The following IL22 variants were observed in gnomAD, a reference collection of about 807,000 sequenced individuals.
IL22 encodes interleukin-22.
A neutral mutation model predicts 15.5 loss-of-function variants in IL22; 15 were observed. That is an observed-to-expected ratio of 0.97 (90% confidence interval 0.65 to 1.49). The LOEUF (loss-of-function observed/expected upper bound fraction) is 1.49. IL22 is among the 40% of genes most tolerant of loss of function. The pLI is 0.00. For missense variants in IL22, 225 were observed against 215.4 expected, an observed-to-expected ratio of 1.04 and a Z score of -0.28; for synonymous variants, 91 against 82.0, an observed-to-expected ratio of 1.11 and a Z score of -0.60.
chr12:68,248,580 T>G lies in IL22; in HGVS notation c.*219A>C, dbSNP rs1869815723. 4.4e-6 allele frequency: 2 copies of G among 452,656 alleles called. No individual in the cohort carries two copies. The highest frequency in any genetic ancestry group is 4.0e-5 in the African/African-American group (2 of 49,998). 28.0% of individuals were successfully genotyped at this position (452,656 alleles called of 1,614,324 possible). On this transcript the variant is annotated 3_prime_UTR_variant, in exon 6 of 6. Transcript: ENST00000538666. ...ACCAGTTACAATGAAATGTTATCAA[T>G]AAATATCTATGCTTAGAAAGTCTAC...
intron 5 of IL22, among the ~76,000 whole-genome samples, chr12:68,250,191 A>G (rs1324547597): frequency 1.3e-5 from 2 of 152,210 alleles, no homozygotes; most frequent in Non-Finnish European, 2.9e-5. Context: ...TTCTTTCAAA[A>G]TGGATTAAAG....
In IL22 at chr12:68,248,844, T is replaced by C. The variant is rs1223517399; in HGVS notation, c.495A>G (p.Gly165=). The C allele has an allele frequency of 1.2e-6, 2 of 1,613,140 alleles. No homozygotes were observed. Among genetic ancestry groups the C allele is most frequent in the Admixed American group, 3.3e-5 (2 of 59,946 alleles). ...LGESGEIKAI[G]ELDLLFMSLR... ...GAGACATAAACAGCAAATCCAGTTC[T>C]CCAATTGCTTTGATCTCTCCACTCT... The change falls in exon 6 of 6, where the codon GGA becomes GGG. Residue 165 remains glycine (G), a synonymous_variant. Coordinates refer to ENST00000538666, the MANE Select transcript of IL22 (RefSeq NM_020525.5).
chr12:68,250,555 G>C (rs1869892335), intron 5 of IL22, among the ~76,000 whole-genome samples: 1 of 152,210 alleles, frequency 6.6e-6, no homozygotes, highest in Non-Finnish European at 1.5e-5. Flanking sequence ...ATGTTTCTGA[G>C]TATTTAGTTG....
intron 5 of IL22, among the ~76,000 whole-genome samples, chr12:68,251,260 A>G (rs1869919585): frequency 6.6e-6 from 1 of 152,174 alleles, no homozygotes; most frequent in Non-Finnish European, 1.5e-5. Context: ...GCCACTGACC[A>G]TCCCCAGAAT....
intron 5 of IL22, among the ~76,000 whole-genome samples, chr12:68,249,289 C>A (rs574394764): frequency 6.6e-6 from 1 of 152,240 alleles, no homozygotes; most frequent in East Asian, 1.9e-4. Flanking sequence ...CAACCTGCAG[C>A]CCACAGGCCG....
At chr12:68,253,218 A>G (rs759927719) in intron 2 of IL22, 45 bp downstream of exon 2, 5 of 1,531,944 alleles carry the variant, frequency 3.3e-6, no homozygotes, top group Non-Finnish European at 4.5e-6. Flanking sequence ...AACTATTTGG[A>G]TTCCAAGTAG....
rs2120559909 is a variant in IL22 at position 68,253,312 on chromosome 12, T to C, written c.137A>G (p.Asn46Ser). 6.2e-7 allele frequency: 1 copy of C among 1,613,732 alleles called. No individual in the cohort carries two copies. Among genetic ancestry groups the C allele is most frequent in the African/African-American group, 1.3e-5 (1 of 74,966 alleles). Residue 46 changes from asparagine (N) to serine (S), a missense_variant, in exon 2 of 6, where the codon AAC becomes AGC. Transcript: ENST00000538666. ...GTTGGTGATATAGGGCTGCTGGAAG[T>C]TGGACTTGTCAAGCCTGCAGTGGGA... Reference protein sequence around the residue: ...ISSHCRLDKSNFQQPYITNRT... With the variant: ...ISSHCRLDKSSFQQPYITNRT...
intron 4 of IL22, among the ~76,000 whole-genome samples, 177 bp from the exon 5 acceptor site, chr12:68,251,755 G>A (rs1238008624): frequency 5.3e-5 from 8 of 152,104 alleles, no homozygotes; most frequent in African/African-American, 1.4e-4. Flanking sequence ...TCCCTTGGAC[G>A]CCAGAATCCA....
At position 68,253,262 on chromosome 12, in the gene IL22, C is replaced by A; in HGVS notation, c.186+1G>T. 1 of 1,610,926 alleles carries A rather than the reference C, an allele frequency of 6.2e-7. No homozygotes were observed. Reference sequence around the variant, plus strand: ...AGAAAGAGCAGGATTGAGATGTATACCTCCTTAGCCAGCATGAAGGTGCGG... The same window carrying A: ...AGAAAGAGCAGGATTGAGATGTATAACTCCTTAGCCAGCATGAAGGTGCGG... On this transcript the variant is annotated splice_donor_variant, in intron 2 of 5. Transcript: ENST00000538666. LOFTEE classifies it high-confidence loss of function.
intron 5 of IL22, among the ~76,000 whole-genome samples, chr12:68,251,217 G>A (rs1869917995): frequency 6.6e-6 from 1 of 152,100 alleles, no homozygotes; most frequent in Non-Finnish European, 1.5e-5. Context: ...GCTGGCTTGG[G>A]ATTCAGGAGA....
chr12:68,252,052 T>C (rs940305883), intron 4 of IL22, among the ~76,000 whole-genome samples: 3 of 152,252 alleles, frequency 2.0e-5, no homozygotes, highest in South Asian at 2.1e-4. Context: ...TCCGATTTTG[T>C]GGCTTCCCAT....
chr12:68,248,761 A>T lies in IL22; in HGVS notation c.*38T>A. ...CATCTAATTGTTATTTCTAGCAGGG[A>T]AAGGGGGTTAGTTATTCATTTTTCA... is the stretch of plus-strand genomic sequence containing the variant. On this transcript the variant is annotated 3_prime_UTR_variant, in exon 6 of 6. Coordinates refer to ENST00000538666, the MANE Select transcript of IL22 (RefSeq NM_020525.5). The T allele has an allele frequency of 6.6e-7, 1 of 1,522,966 alleles. No homozygotes were observed. Among genetic ancestry groups the T allele is most frequent in the Non-Finnish European group, 9.1e-7 (1 of 1,103,368 alleles). The allele number at this position is 1,522,966 out of a possible 1,614,324, so 94.3% of individuals were successfully genotyped here.
intron 5 of IL22, among the ~76,000 whole-genome samples, chr12:68,249,978 A>G (rs1869872151): frequency 6.6e-6 from 1 of 152,154 alleles, no homozygotes; most frequent in South Asian, 2.1e-4. Context: ...GCATTTTACT[A>G]CCAACCTGCG....
chr12:68,250,317 T>C (rs1271253500), intron 5 of IL22, among the ~76,000 whole-genome samples: 2 of 152,224 alleles, frequency 1.3e-5, no homozygotes, highest in Admixed American at 6.5e-5. Context: ...AAAGCATGCC[T>C]TGTCTGTGGC....
rs1565748403 is a variant in IL22 at position 68,252,750 on chromosome 12, C to A, written c.252+14G>T. The A allele has an allele frequency of 6.2e-7, 1 of 1,613,602 alleles. No individual in the cohort carries two copies. Among genetic ancestry groups the A allele is most frequent in the Non-Finnish European group, 8.5e-7 (1 of 1,179,622 alleles). Reference sequence around the variant, plus strand: ...GGACGGCACACGGCCCTGTTCGTCACAACTGTAGCTTACACTGACTCCGTG... The same window carrying A: ...GGACGGCACACGGCCCTGTTCGTCAAAACTGTAGCTTACACTGACTCCGTG... On this transcript the variant is annotated intron_variant, in intron 3 of 5. Transcript: ENST00000538666.
At chr12:68,251,384 C>A (rs1334018683) in intron 5 of IL22, 129 bp downstream of exon 5, 1 of 712,816 alleles carries the variant, frequency 1.4e-6, no homozygotes, top group Non-Finnish European at 2.5e-6. Context: ...ACACAGACAC[C>A]AAAGTAATCG....
At chr12:68,249,205 T>C (rs1017432154) in intron 5 of IL22, among the ~76,000 whole-genome samples, 1 of 152,132 alleles carries the variant, frequency 6.6e-6, no homozygotes, top group African/African-American at 2.4e-5. Context: ...GGATCCCGAG[T>C]GCCACCCATT....
chr12:68,249,690 A>T (rs1289928220), intron 5 of IL22, among the ~76,000 whole-genome samples: 2 of 152,240 alleles, frequency 1.3e-5, no homozygotes, highest in Admixed American at 6.5e-5. Context: ...TCAAATGCAG[A>T]TGAGGATCCC....
intron 4 of IL22, 51 bp downstream of exon 4, chr12:68,252,453 T>TGGAAGGAG (rs776784589): frequency 6.3e-7 from 1 of 1,596,448 alleles, no homozygotes; most frequent in East Asian, 2.2e-5. Flanking sequence ...GGGGTCTCTG[T>TGGAAGGAG]GGAAGGAGGG....
Sources: gnomAD v4.1 joint callset for allele counts (sites outside exome capture counted in the v4.1 genomes callset) on GRCh38, gnomAD v4.1.1 for gene constraint, MANE v1.5 for transcripts, NCBI Gene and HGNC (gene_info 2026-07-23, HGNC 2026-07-21) for gene names.